API5: variants seen among roughly 807,000 people sequenced by gnomAD.
API5 encodes the protein apoptosis inhibitor 5, also known as FIF.
API5 carries 6 observed loss-of-function variants against 71.9 expected under a neutral mutation model. The observed-to-expected ratio is 0.08, with a 90% CI of 0.05 to 0.16. The LOEUF (loss-of-function observed/expected upper bound fraction) is 0.16. API5 is among the 10% of genes least tolerant of loss of function. API5 has a pLI of 1.00. For synonymous variants in API5, 189 were observed against 221.3 expected (o/e 0.85, Z 1.30); for missense variants, 332 against 612.8 (o/e 0.54, Z 4.84).
rs1204006030 is a variant in API5, at chr11:43,344,091, C to T, written c.*1581C>T. 1 of 152,632 alleles carries T rather than the reference C, an allele frequency of 6.6e-6. No homozygotes were observed. 9.5% of individuals were successfully genotyped at this position (152,632 alleles called of 1,614,324 possible). A position where few individuals can be genotyped will look rare whatever the true frequency, so the allele number is the denominator to read the frequency against. On this transcript the variant is annotated 3_prime_UTR_variant, in exon 14 of 14. Coordinates refer to ENST00000531273, the MANE Select transcript of API5 (RefSeq NM_001142930.2). ...CAAAAGACCATGAGCTGAACCTAAACTCCCTTGGAATCTGAACAAAGGAAT... is the reference window on the plus strand; with the variant it reads ...CAAAAGACCATGAGCTGAACCTAAATTCCCTTGGAATCTGAACAAAGGAAT...
intron 1 of API5, among the ~76,000 whole-genome samples, chr11:43,313,522 G>A (rs1854564215): frequency 6.6e-6 from 1 of 152,058 alleles, no homozygotes; most frequent in African/African-American, 2.4e-5. Flanking sequence ...TAACAGTCGT[G>A]GGAGTACCTT....
chr11:43,332,160 G>A (rs1029659403), intron 11 of API5: 1 of 152,136 alleles, frequency 6.6e-6, no homozygotes, highest in African/African-American at 2.4e-5. Flanking sequence ...GTGAATATAG[G>A]AATAAAGTCA....
chr11:43,329,871 C>A, intron 9 of API5, 94 bp from the exon 10 acceptor site: 2 of 983,268 alleles, frequency 2.0e-6, no homozygotes, highest in Non-Finnish European at 3.1e-6. Flanking sequence ...GTAACCATTT[C>A]TGCACTTAGG....
At chr11:43,313,482 T>C (rs1267293263) in intron 1 of API5, among the ~76,000 whole-genome samples, 1 of 152,180 alleles carries the variant, frequency 6.6e-6, no homozygotes, top group East Asian at 1.9e-4. Context: ...ACGCATCCCT[T>C]CTTGGAGAAA....
Position 43,337,417 on chromosome 11 carries a change from A to G in API5, c.1492+1423A>G, listed in dbSNP as rs371942184. 7.9e-4 allele frequency among the ~76,000 whole-genome samples: 120 copies of G among 152,326 alleles called. 1 individual carries two copies. In the Middle Eastern group the frequency reaches 0.01, roughly 13 times the overall value. ...ATTGTAACATTAAATTACTTCTATA[A>G]CAGTTGAATTCTTCTAATGTCTGAA... is the stretch of plus-strand genomic sequence containing the variant. On this transcript the variant is annotated intron_variant, in intron 13 of 13. Coordinates refer to ENST00000531273, the MANE Select transcript of API5 (RefSeq NM_001142930.2).
intron 1 of API5, among the ~76,000 whole-genome samples, chr11:43,313,703 T>G (rs759890997): frequency 1.8e-4 from 27 of 152,218 alleles, no homozygotes; most frequent in African/African-American, 5.5e-4. Flanking sequence ...GGAATTTCAC[T>G]TTTATCAGTA....
At chr11:43,341,025 A>G (rs1855593834) in intron 13 of API5, among the ~76,000 whole-genome samples, 1 of 152,240 alleles carries the variant, frequency 6.6e-6, no homozygotes, top group Non-Finnish European at 1.5e-5. Context: ...TAAACTACTC[A>G]TGCAACAGAG....
intron 9 of API5, 24 bp from the exon 10 acceptor site, chr11:43,329,941 A>G (rs1855198360): frequency 1.2e-6 from 2 of 1,604,890 alleles, no homozygotes. Context: ...TGAATTGCTA[A>G]TTAACAAATA....
chr11:43,314,144 A>G (rs543892886), intron 1 of API5, among the ~76,000 whole-genome samples: 3 of 152,234 alleles, frequency 2.0e-5, no homozygotes, highest in African/African-American at 7.2e-5. Context: ...AATCAGTTTG[A>G]ATTTGTTGTT....
chr11:43,331,670 C>A (rs1855261953), intron 11 of API5, among the ~76,000 whole-genome samples: 2 of 151,992 alleles, frequency 1.3e-5, no homozygotes, highest in Admixed American at 6.6e-5. Flanking sequence ...TGGAAAGAAT[C>A]TGCGTATAAG....
intron 8 of API5, 46 bp from the exon 9 acceptor site, chr11:43,328,666 G>C: frequency 6.6e-7 from 1 of 1,512,826 alleles, no homozygotes; most frequent in Non-Finnish European, 9.1e-7. Flanking sequence ...TTTATAATTT[G>C]AATATGTAGA....
intron 1 of API5, among the ~76,000 whole-genome samples, chr11:43,318,102 C>T (rs1239351819): frequency 1.3e-5 from 2 of 151,898 alleles, no homozygotes; most frequent in Non-Finnish European, 1.5e-5. Flanking sequence ...CTCCGCTTCC[C>T]GGACTCAAGC....
At chr11:43,314,753 A>C (rs1352923339) in intron 1 of API5, among the ~76,000 whole-genome samples, 4 of 152,212 alleles carry the variant, frequency 2.6e-5, no homozygotes, top group African/African-American at 4.8e-5. Flanking sequence ...TTGTAGGAAA[A>C]CCGAAGATAA....
At chr11:43,321,117 G>A (rs1425524214) in intron 3 of API5, among the ~76,000 whole-genome samples, 2 of 151,992 alleles carry the variant, frequency 1.3e-5, no homozygotes. Context: ...TTTTAATTCC[G>A]TTATGAAGGT....
At position 43,335,861 on chromosome 11, in the gene API5, A is replaced by G. The variant is rs1855415033; in HGVS notation, c.1359A>G (p.Gln453=). The G allele has an allele frequency of 1.2e-6, 2 of 1,606,426 alleles. No homozygotes were observed. Among genetic ancestry groups the G allele is most frequent in the Non-Finnish European group, 1.7e-6 (2 of 1,178,122 alleles). The change falls in exon 13 of 14, where the codon CAA becomes CAG. Residue 453 remains glutamine (Q), a synonymous_variant. Transcript: ENST00000531273. ...WKPVQKVEIG[Q]KRASEDTTSG... is the part of the protein sequence containing the mutation. ...GCTCTTCTTCCTATTGTTACAGGCA[A>G]AAGAGAGCCAGTGAAGATACAACTT...
At chr11:43,318,408 C>A in intron 1 of API5, 1 of 1,527,980 alleles carries the variant, frequency 6.5e-7, no homozygotes, top group Admixed American at 2.0e-5. Flanking sequence ...TTGCTTTTTC[C>A]ACTTAAAATT....
rs144961530 is a variant in API5 at position 43,313,943 on chromosome 11, G to T, written c.69+1747G>T. On this transcript the variant is annotated intron_variant, in intron 1 of 13. Transcript: ENST00000531273. The stretch of plus-strand genomic sequence containing the variant: ...ATCTCTACTAAAAATACAAAAATTA[G>T]CCAGGCGTGGTGGCATGCGCCTGAA... Among the ~76,000 whole-genome samples, 327 of 152,162 alleles carry T rather than the reference G, an allele frequency of 2.1e-3. 4 individuals carry two copies. The East Asian group carries it at 0.026, about 12-fold the overall frequency.
At chr11:43,331,959 A>G (rs993152215) in intron 11 of API5, 7 of 152,228 alleles carry the variant, frequency 4.6e-5, no homozygotes, top group Admixed American at 3.9e-4. Flanking sequence ...GTGAGATTTG[A>G]CTTTATTTGA....
chr11:43,316,417 G>A (rs997355578), intron 1 of API5, among the ~76,000 whole-genome samples: 1 of 150,642 alleles, frequency 6.6e-6, no homozygotes, highest in African/African-American at 2.4e-5. Context: ...ATTTTGGACA[G>A]TGTAAGGAGT....
Sources: gnomAD v4.1 joint callset for allele counts (sites outside exome capture counted in the v4.1 genomes callset) on GRCh38, gnomAD v4.1.1 for gene constraint, MANE v1.5 for transcripts, NCBI Gene and HGNC (gene_info 2026-07-23, HGNC 2026-07-21) for gene names.